The following LNX1 variants were observed in gnomAD, a reference collection of about 807,000 sequenced individuals.
LNX1 encodes E3 ubiquitin-protein ligase LNX.
A neutral mutation model predicts 68.4 loss-of-function variants in LNX1; 54 were observed. The observed-to-expected ratio is 0.79, with a 90% CI of 0.63 to 0.99. The LOEUF is 0.99. LNX1 is among the 50% of genes least tolerant of loss of function. LNX1 has a pLI of 0.00. For missense variants in LNX1, 906 were observed against 926.4 expected, an observed-to-expected ratio of 0.98 and a Z score of 0.29; for synonymous variants, 336 against 350.0, an observed-to-expected ratio of 0.96 and a Z score of 0.45.
At chr4:53,612,646 C>T (rs1300770968) in intron 2 of LNX1, among the ~76,000 whole-genome samples, 2 of 149,802 alleles carry the variant, frequency 1.3e-5, no homozygotes, top group Non-Finnish European at 3.0e-5. Context: ...ATAGCGAGAC[C>T]CTGTCTCTAC....
chr4:53,537,585 T>C (rs746606866), intron 2 of LNX1, among the ~76,000 whole-genome samples: 8 of 152,222 alleles, frequency 5.3e-5, no homozygotes, highest in Non-Finnish European at 1.0e-4. Context: ...TTTCCATCTC[T>C]CCATTTACAT....
intron 2 of LNX1, among the ~76,000 whole-genome samples, chr4:53,610,689 C>A (rs2109847611): frequency 8.3e-6 from 1 of 120,108 alleles, no homozygotes; most frequent in South Asian, 2.8e-4. Context: ...GCCTGGGCGA[C>A]AGAGCAAGAC....
intron 1 of LNX1, among the ~76,000 whole-genome samples, chr4:53,644,956 T>C (rs1396816810): frequency 1.3e-5 from 2 of 152,206 alleles, no homozygotes; most frequent in East Asian, 3.9e-4. Flanking sequence ...GAGGGAGAAG[T>C]AGTACCTTAG....
chr4:53,552,805 G>A (rs1346334278), intron 2 of LNX1, among the ~76,000 whole-genome samples: 2 of 147,020 alleles, frequency 1.4e-5, no homozygotes, highest in Non-Finnish European at 3.0e-5. Context: ...TTCCAGCCTG[G>A]GCAACAGAGC....
At chr4:53,579,336 T>TGTCCTATTCCA in intron 1 of LNX1, 5 of 879,624 alleles carry the variant, frequency 5.7e-6, no homozygotes, top group Non-Finnish European at 5.5e-6. Context: ...TCCTTCTTTC[T>TGTCCTATTCCA]GATCTGGAAT....
chr4:53,512,506 G>GTGTGTGTA (rs1343237140), intron 2 of LNX1, among the ~76,000 whole-genome samples: 1 of 92,342 alleles, frequency 1.1e-5, no homozygotes, highest in East Asian at 3.4e-4. Context: ...GTGTGTGTGT[G>GTGTGTGTA]TGTGTGTGTG....
At chr4:53,484,976 T>C (rs969738663) in intron 6 of LNX1, among the ~76,000 whole-genome samples, 12 of 152,190 alleles carry the variant, frequency 7.9e-5, no homozygotes, top group Non-Finnish European at 1.3e-4. Context: ...TTCCCTGGTG[T>C]TTCTCATCAC....
chr4:53,627,965 A>G (rs535525995), intron 1 of LNX1, among the ~76,000 whole-genome samples: 1 of 152,222 alleles, frequency 6.6e-6, no homozygotes, highest in Non-Finnish European at 1.5e-5. Flanking sequence ...GTCTCTGAGG[A>G]AAAAAGTGCA....
intron 1 of LNX1, among the ~76,000 whole-genome samples, chr4:53,645,935 T>C (rs953956854): frequency 6.6e-6 from 1 of 152,232 alleles, no homozygotes; most frequent in Non-Finnish European, 1.5e-5. Flanking sequence ...ATAAAGCTGA[T>C]ATACTCAATT....
At chr4:53,518,927 G>T (rs755630061) in intron 2 of LNX1, among the ~76,000 whole-genome samples, 2 of 152,200 alleles carry the variant, frequency 1.3e-5, no homozygotes, top group Non-Finnish European at 2.9e-5. Flanking sequence ...AATGGCACAG[G>T]CTGGCAAGTG....
At chr4:53,481,686 T>C in intron 7 of LNX1, 34 bp downstream of exon 7, 2 of 1,600,778 alleles carry the variant, frequency 1.2e-6, no homozygotes, top group Non-Finnish European at 1.7e-6. Flanking sequence ...AATAGCCCCT[T>C]GCAGGAGCAG....
chr4:53,485,313 T>G (rs1389603835), intron 6 of LNX1, among the ~76,000 whole-genome samples: 1 of 152,212 alleles, frequency 6.6e-6, no homozygotes, highest in East Asian at 1.9e-4. Flanking sequence ...GCTTGCAAAT[T>G]GTATCATGTT....
At chr4:53,641,122 G>A (rs535815215) in intron 1 of LNX1, among the ~76,000 whole-genome samples, 33 of 149,934 alleles carry the variant, frequency 2.2e-4, no homozygotes, top group African/African-American at 7.8e-4. Flanking sequence ...AATGAACACT[G>A]GAATGTGGCA....
At chr4:53,495,050 T>C (rs755890473) in intron 6 of LNX1, among the ~76,000 whole-genome samples, 18 of 152,094 alleles carry the variant, frequency 1.2e-4, no homozygotes, top group Non-Finnish European at 1.5e-4. Context: ...TTTATAGGGA[T>C]CTTTGTGGTG....
chr4:53,595,869 AT>A (rs1001221950), upstream of LNX1, among the ~76,000 whole-genome samples: 3 of 150,812 alleles, frequency 2.0e-5, no homozygotes, highest in East Asian at 1.9e-4. Context: ...TTTGCTTCCT[AT>A]TTTTTTTTCC....
intron 1 of LNX1, among the ~76,000 whole-genome samples, chr4:53,580,396 A>G (rs1201413294): frequency 3.3e-5 from 5 of 152,164 alleles, no homozygotes; most frequent in East Asian, 1.9e-4. Flanking sequence ...TGTCTCTCCT[A>G]TAATGTATGG....
rs138143322 is a variant in LNX1, at chr4:53,590,218, C to T, written c.-87+1170G>A. On this transcript the variant is annotated intron_variant, in intron 1 of 10. Coordinates refer to ENST00000263925, the MANE Select transcript of LNX1 (RefSeq NM_001126328.3). ...TTAGTGGTGAGGAACGACTGTCTGT[C>T]TAAGGCAAAAATGATCTCAGCTTGT... Among the ~76,000 whole-genome samples the T allele has an allele frequency of 1.8e-4, 28 of 152,298 alleles. No homozygotes were observed. In the East Asian group the frequency reaches 5.2e-3, roughly 28 times the overall value.
At chr4:53,561,733 T>C (rs182444855) in intron 2 of LNX1, among the ~76,000 whole-genome samples, 13 of 152,292 alleles carry the variant, frequency 8.5e-5, no homozygotes, top group African/African-American at 2.4e-4. Flanking sequence ...TTGGGCCAAT[T>C]ACATCACGTT....
intron 2 of LNX1, among the ~76,000 whole-genome samples, chr4:53,521,267 AG>A (rs1727197314): frequency 6.6e-6 from 1 of 152,118 alleles, no homozygotes; most frequent in African/African-American, 2.4e-5. Context: ...ATGCAACCCC[AG>A]GGGCTCTGCA....
Sources: allele counts gnomAD v4.1 joint callset (sites outside exome capture counted in the v4.1 genomes callset), GRCh38; gene constraint gnomAD v4.1.1; transcripts MANE v1.5; gene names NCBI Gene and HGNC (gene_info 2026-07-23, HGNC 2026-07-21).